The following HDLBP variants were observed in gnomAD, a reference collection of about 807,000 sequenced individuals.
HDLBP encodes high density lipoprotein binding protein.
In HDLBP, 30 loss-of-function variants were observed where a neutral mutation model predicts 137.3. The observed-to-expected ratio is 0.22, with a 90% CI of 0.16 to 0.30. HDLBP has a LOEUF of 0.30. Ranked by LOEUF, HDLBP falls within the 10% of genes least tolerant of loss-of-function variation. The pLI is 1.00. For synonymous variants in HDLBP, 606 were observed against 596.0 expected (o/e 1.02, Z -0.24); for missense variants, 1,119 against 1,667.3 (o/e 0.67, Z 5.73).
At chr2:241,259,591 C>T (rs1199263463) in intron 5 of HDLBP, among the ~76,000 whole-genome samples, 2 of 152,192 alleles carry the variant, frequency 1.3e-5, no homozygotes, top group Non-Finnish European at 2.9e-5. Flanking sequence ...CAGGCTCAAA[C>T]AATCCTTTCT....
intron 1 of HDLBP, among the ~76,000 whole-genome samples, chr2:241,303,447 G>A (rs576149368): frequency 5.3e-5 from 8 of 152,320 alleles, no homozygotes; most frequent in African/African-American, 1.9e-4. Flanking sequence ...ACAAGCAACA[G>A]GAGAGAGGCA....
intron 20 of HDLBP, among the ~76,000 whole-genome samples, chr2:241,237,103 T>G (rs1212809726): frequency 6.6e-6 from 1 of 151,822 alleles, no homozygotes; most frequent in Non-Finnish European, 1.5e-5. Flanking sequence ...TGAGATCAGA[T>G]GAGTTAGTTC....
rs367671219 is a variant in HDLBP at position 241,253,018 on chromosome 2, A to G, written c.1311T>C (p.Tyr437=). ...ACTTGTGGTCGATGTTGATCTCCAC[A>G]TAGTCCATCCGGTTAATCTGCAGGA... ...MVKDLINRMD[Y]VEINIDHKFH... is the part of the protein sequence containing the mutation. The change falls in exon 11 of 28, where the codon TAT becomes TAC. Residue 437 remains tyrosine (Y), a synonymous_variant. Coordinates refer to ENST00000310931, the MANE Select transcript of HDLBP (RefSeq NM_005336.6). 9 of 1,606,940 alleles carry G rather than the reference A, an allele frequency of 5.6e-6. No homozygotes were observed. In the African/African-American group the frequency reaches 9.4e-5, roughly 17 times the overall value.
intron 1 of HDLBP, among the ~76,000 whole-genome samples, chr2:241,304,751 G>A (rs1217314750): frequency 6.6e-6 from 1 of 152,216 alleles, no homozygotes; most frequent in Non-Finnish European, 1.5e-5. Context: ...ACTAGAAAGT[G>A]CTGTGTGGGC....
intron 14 of HDLBP, 45 bp from the exon 15 acceptor site, chr2:241,247,187 A>G (rs1389278987): frequency 1.7e-6 from 2 of 1,171,192 alleles, no homozygotes; most frequent in African/African-American, 3.0e-5. Context: ...TGTGCTAGAG[A>G]GTAAAATACA....
At chr2:241,245,577 G>T (rs1292794467) in intron 16 of HDLBP, among the ~76,000 whole-genome samples, 3 of 152,168 alleles carry the variant, frequency 2.0e-5, no homozygotes, top group Non-Finnish European at 2.9e-5. Context: ...AAGGCGAGAG[G>T]ATCACTTGAG....
rs1260252193 is a variant in HDLBP, at chr2:241,227,685, T to G, written c.*1916A>C. 1.3e-5 allele frequency: 2 copies of G among 152,312 alleles called. No homozygotes were observed. Among genetic ancestry groups the G allele is most frequent in the Non-Finnish European group, 2.9e-5 (2 of 68,000 alleles). 9.4% of individuals were successfully genotyped at this position (152,312 alleles called of 1,614,324 possible). On this transcript the variant is annotated 3_prime_UTR_variant, in exon 28 of 28. Coordinates refer to ENST00000310931, the MANE Select transcript of HDLBP (RefSeq NM_005336.6). ...ATTAAAATTGACCTTTGGGAGAGGG[T>G]AGGGGCAGGATGTTTTATGACACTG...
chr2:241,282,343 C>CA (rs924666013), intron 1 of HDLBP, among the ~76,000 whole-genome samples: 7 of 151,852 alleles, frequency 4.6e-5, no homozygotes, highest in Admixed American at 4.6e-4. Context: ...TCTGAAGACT[C>CA]AAAAAAAAGT....
At chr2:241,296,369 T>G (rs1208770452) in intron 1 of HDLBP, among the ~76,000 whole-genome samples, 1 of 152,158 alleles carries the variant, frequency 6.6e-6, no homozygotes, top group African/African-American at 2.4e-5. Context: ...GGATTGGAGA[T>G]CTGGATGTAA....
chr2:241,280,858 G>A (rs1266227553), intron 1 of HDLBP, among the ~76,000 whole-genome samples: 1 of 152,180 alleles, frequency 6.6e-6, no homozygotes, highest in Non-Finnish European at 1.5e-5. Context: ...GTATCTCACT[G>A]TTTGGGAATG....
intron 1 of HDLBP, among the ~76,000 whole-genome samples, chr2:241,298,768 T>C (rs1242140922): frequency 6.6e-6 from 1 of 152,202 alleles, no homozygotes; most frequent in African/African-American, 2.4e-5. Context: ...CTCCTTGTAC[T>C]GTTCCAGCCA....
At chr2:241,268,157 T>C (rs567857052) in intron 2 of HDLBP, among the ~76,000 whole-genome samples, 16 of 152,192 alleles carry the variant, frequency 1.1e-4, no homozygotes, top group African/African-American at 1.4e-4. Flanking sequence ...TCTCCCCAAG[T>C]TGAAGAAAAG....
chr2:241,242,576 C>T lies in HDLBP; in HGVS notation c.2053G>A (p.Gly685Arg). 9.3e-6 allele frequency: 15 copies of T among 1,614,178 alleles called. No individual in the cohort carries two copies. Among genetic ancestry groups the T allele is most frequent in the Non-Finnish European group, 1.3e-5 (15 of 1,180,030 alleles). Residue 685 changes from glycine to arginine, a missense_variant, in exon 17 of 28, where the codon GGG becomes AGG. Around this residue, in one of 4 missense-constraint regions of HDLBP, gnomAD observed 618 missense variants for 816.7 expected, o/e 0.76. Transcript: ENST00000310931. ...TCCACGGGAAAGTGAATGTGGACCC[C>T]GCCGCACTCCTCCATGATGGAGCGG... ...LIRSIMEECG[G>R]VHIHFPVEGS...
rs778927347 is a variant in HDLBP, at chr2:241,256,820, A to G, written c.451-14T>C. The stretch of plus-strand genomic sequence containing the variant: ...AGTTGCTGAGGCCTATAGCAAGAAG[A>G]GAATAAAAGAAAACAAGAATATTTG... On this transcript the variant is annotated splice_polypyrimidine_tract_variant and intron_variant, in intron 5 of 27. Coordinates refer to ENST00000310931, the MANE Select transcript of HDLBP (RefSeq NM_005336.6). The G allele has an allele frequency of 6.2e-7, 1 of 1,604,832 alleles. No homozygotes were observed. The highest frequency in any genetic ancestry group is 1.1e-5 in the South Asian group (1 of 90,884).
In HDLBP at chr2:241,233,841, A is replaced by G. The variant is rs1033016444; in HGVS notation, c.3267T>C (p.Pro1089=). The part of the protein sequence containing the change: ...RLEHDVNIQF[P]DKDDGNQPQD... ...TCACCTGGTTCCCATCGTCCTTATC[A>G]GGAAACTGGATGTTCACGTCATGCT... The change falls in exon 24 of 28, where the codon CCT becomes CCC. Residue 1089 remains proline, a synonymous_variant. Transcript: ENST00000310931. The surrounding 1 kb of genome is among the most constrained non-coding windows in gnomAD (Gnocchi z 4.3). 2 of 1,614,068 alleles carry G rather than the reference A, an allele frequency of 1.2e-6. No individual in the cohort carries two copies. Among genetic ancestry groups the G allele is most frequent in the Admixed American group, 1.7e-5 (1 of 60,006 alleles).
chr2:241,264,355 C>T (rs2073477365), intron 4 of HDLBP, 93 bp downstream of exon 4: 1 of 878,412 alleles, frequency 1.1e-6, no homozygotes, highest in Non-Finnish European at 1.7e-6. Context: ...GAGCGGGACT[C>T]TGTCTCAAAA....
intron 12 of HDLBP, among the ~76,000 whole-genome samples, 183 bp downstream of exon 12, chr2:241,249,658 G>A (rs1031317490): frequency 2.0e-5 from 3 of 152,264 alleles, no homozygotes; most frequent in Non-Finnish European, 4.4e-5. Context: ...AGAACAAGAC[G>A]TGCAGGTGAC....
chr2:241,254,578 G>C (rs566799658), intron 9 of HDLBP, among the ~76,000 whole-genome samples: 11 of 150,912 alleles, frequency 7.3e-5, no homozygotes, highest in Admixed American at 2.6e-4. Context: ...TCCACCTCCC[G>C]GGTTCACGCC....
chr2:241,237,515 A>C (rs963522769), intron 20 of HDLBP, among the ~76,000 whole-genome samples: 1 of 152,152 alleles, frequency 6.6e-6, no homozygotes, highest in African/African-American at 2.4e-5. Context: ...CCTGCCTGAA[A>C]TCAAGGGTGA....
Sources: allele counts gnomAD v4.1 joint callset (sites outside exome capture counted in the v4.1 genomes callset), GRCh38; gene constraint gnomAD v4.1.1; regional missense constraint gnomAD v4.1.1; non-coding constraint Gnocchi (gnomAD v3.1); transcripts MANE v1.5; gene names NCBI Gene and HGNC (gene_info 2026-07-23, HGNC 2026-07-21).